The following WDR12 variants were observed in gnomAD, a reference collection of about 807,000 sequenced individuals.
The protein encoded by WDR12 is WD repeat domain 12, also known as ribosome biogenesis protein WDR12.
Under a neutral mutation model 64.3 loss-of-function variants are expected in WDR12, and 42 were observed. The ratio of observed to expected loss-of-function variants is 0.65; its 90% CI spans 0.51 to 0.84. WDR12 has a LOEUF of 0.84. WDR12 is among the 40% of genes least tolerant of loss of function. WDR12 has a pLI of 0.00. For synonymous variants in WDR12, 158 were observed against 173.3 expected (o/e 0.91, Z 0.70); for missense variants, 469 against 494.6 (o/e 0.95, Z 0.49).
chr2:202,896,269 G>C, intron 5 of WDR12, 50 bp from the exon 6 acceptor site: 2 of 1,548,468 alleles, frequency 1.3e-6, no homozygotes, highest in Non-Finnish European at 1.7e-6. Context: ...ATACCATTTA[G>C]AATACATCAT....
At chr2:202,897,904 A>ATATATATATAT (rs1488448623) in intron 4 of WDR12, among the ~76,000 whole-genome samples, 5 of 45,224 alleles carry the variant, frequency 1.1e-4, no homozygotes, top group Admixed American at 3.0e-4. Context: ...AAAAAAAAAA[A>ATATATATATAT]AAAAATATAT....
rs575159894 is a variant in WDR12 at position 202,911,445 on chromosome 2, T to C, written c.32A>G (p.Asp11Gly). Residue 11 changes from aspartate to glycine, a missense_variant, in exon 1 of 13, where the codon GAT becomes GGT. Asp to Gly is a moderately conservative substitution (Grantham distance 94). Coordinates refer to ENST00000261015, the MANE Select transcript of WDR12 (RefSeq NM_018256.4). ...TGGAACGCTTACTTACTTCTTGTTA[T>C]CAGTGTAGAAGCGTGTTTGGAGCTG... MAQLQTRFYT[D>G]NKKYAVDDVP... 8.2e-5 allele frequency: 132 copies of C among 1,614,134 alleles called. No individual in the cohort carries two copies. In the South Asian group the frequency reaches 1.4e-3, roughly 17 times the overall value.
chr2:202,895,772 TG>T (rs1445614425), intron 6 of WDR12, among the ~76,000 whole-genome samples: 1 of 151,010 alleles, frequency 6.6e-6, no homozygotes, highest in African/African-American at 2.4e-5. Flanking sequence ...TCAGGTGATC[TG>T]CCCGCCTCGG....
intron 6 of WDR12, among the ~76,000 whole-genome samples, chr2:202,895,615 C>T (rs1388672761): frequency 1.3e-5 from 2 of 149,904 alleles, no homozygotes; most frequent in Non-Finnish European, 3.0e-5. Flanking sequence ...CTCTGTCTCC[C>T]GGGTTCAAGT....
At chr2:202,884,060 C>T (rs1018631256) in intron 10 of WDR12, 138 bp downstream of exon 10, 26 of 825,044 alleles carry the variant, frequency 3.2e-5, no homozygotes, top group Admixed American at 5.6e-5. Context: ...ATCTGCCCGC[C>T]TCGGCCTCTC....
Position 202,883,720 on chromosome 2 carries a change from G to T in WDR12, c.1010C>A (p.Ser337Tyr). 6.2e-7 allele frequency: 1 copy of T among 1,614,090 alleles called. No individual in the cohort carries two copies. Among genetic ancestry groups the T allele is most frequent in the East Asian group, 2.2e-5 (1 of 44,882 alleles). Residue 337 changes from serine (S) to tyrosine (Y), a missense_variant, in exon 11 of 13, where the codon TCC becomes TAC. Coordinates refer to ENST00000261015, the MANE Select transcript of WDR12 (RefSeq NM_018256.4). ...CACCCAACCAGTATGTGACGTTAGG[G>T]ACAGCGACACCAAAGAACCATCTGA... Reference protein sequence around the residue: ...RTKDGSLVSLSLTSHTGWVTS... With the variant: ...RTKDGSLVSLYLTSHTGWVTS...
At chr2:202,890,482 T>C (rs1467796233) in intron 8 of WDR12, among the ~76,000 whole-genome samples, 1 of 152,094 alleles carries the variant, frequency 6.6e-6, no homozygotes, top group Non-Finnish European at 1.5e-5. Flanking sequence ...AAAAATTCAT[T>C]GAGCAGGCCG....
At position 202,887,822 on chromosome 2, in the gene WDR12, A is replaced by G. The variant is rs191837166; in HGVS notation, c.742-3287T>C. 4.3e-3 allele frequency among the ~76,000 whole-genome samples: 632 copies of G among 146,434 alleles called. 11 individuals carry two copies. The highest frequency in any genetic ancestry group is 0.029 in the Admixed American group (411 of 14,212). On this transcript the variant is annotated intron_variant, in intron 8 of 12. Coordinates refer to ENST00000261015, the MANE Select transcript of WDR12 (RefSeq NM_018256.4). ...AGAATGGCGTGAACCCGGGAAGCGG[A>G]GCTTGCAGTGAGCCGAGATTGCGCC...
At chr2:202,897,671 C>T (rs778794956) in intron 4 of WDR12, among the ~76,000 whole-genome samples, 31 of 148,120 alleles carry the variant, frequency 2.1e-4, no homozygotes, top group African/African-American at 7.8e-4. Context: ...AGGCGGATCA[C>T]GAGGTCAGGA....
chr2:202,902,838 C>T (rs542666367), intron 2 of WDR12, among the ~76,000 whole-genome samples: 104 of 152,310 alleles, frequency 6.8e-4, no homozygotes, highest in African/African-American at 2.2e-3. Context: ...GTGGCTCACA[C>T]CTGTAATCCC....
At chr2:202,891,021 A>T (rs1180439760) in intron 8 of WDR12, among the ~76,000 whole-genome samples, 1 of 148,282 alleles carries the variant, frequency 6.7e-6, no homozygotes, top group Non-Finnish European at 1.5e-5. Context: ...AAAAAAAGAG[A>T]ATAAAAGAGC....
At chr2:202,885,936 A>C (rs1392334263) in intron 8 of WDR12, among the ~76,000 whole-genome samples, 1 of 152,048 alleles carries the variant, frequency 6.6e-6, no homozygotes, top group Non-Finnish European at 1.5e-5. Flanking sequence ...ACATGACTAT[A>C]GTCATATCTA....
rs150463654 is a variant in WDR12 at position 202,893,978 on chromosome 2, A to G, written c.655+603T>C. Among the ~76,000 whole-genome samples the G allele has an allele frequency of 5.9e-5, 9 of 152,304 alleles. No homozygotes were observed. In the East Asian group the frequency reaches 1.7e-3, roughly 29 times the overall value. On this transcript the variant is annotated intron_variant, in intron 7 of 12. Transcript: ENST00000261015. ...ATTACTTAAGTCAAAATGGCTCGGA[A>G]AGTATTTTTATTTACTTCCAAGTTT...
At chr2:202,881,591 G>A (rs971570100) in intron 12 of WDR12, among the ~76,000 whole-genome samples, 4 of 151,974 alleles carry the variant, frequency 2.6e-5, no homozygotes, top group Non-Finnish European at 5.9e-5. Context: ...GACTACCTTG[G>A]GGAACACAGT....
chr2:202,882,302 A>G (rs1574401082), intron 12 of WDR12, among the ~76,000 whole-genome samples: 1 of 152,016 alleles, frequency 6.6e-6, no homozygotes, highest in African/African-American at 2.4e-5. Context: ...GAAATAATAC[A>G]GAATTATAAA....
At chr2:202,892,361 A>G (rs1688170445) in intron 8 of WDR12, among the ~76,000 whole-genome samples, 1 of 152,210 alleles carries the variant, frequency 6.6e-6, no homozygotes, top group Non-Finnish European at 1.5e-5. Context: ...ACATGAGATC[A>G]AACATAATAA....
At chr2:202,908,662 ACTT>A (rs1362372064) in intron 1 of WDR12, among the ~76,000 whole-genome samples, 4 of 152,230 alleles carry the variant, frequency 2.6e-5, no homozygotes, top group African/African-American at 7.2e-5. Flanking sequence ...AATCATTTTT[ACTT>A]CTTTTTTGTG....
rs145060072 is a variant in WDR12 at position 202,887,100 on chromosome 2, T to C, written c.742-2565A>G. ...AGTGCAATGCACAAGCTTGGCTTAC[T>C]GCAACTTCCACCTCCCAGGTTCAAG... is the stretch of plus-strand genomic sequence containing the variant. On this transcript the variant is annotated intron_variant, in intron 8 of 12. Coordinates refer to ENST00000261015, the MANE Select transcript of WDR12 (RefSeq NM_018256.4). Among the ~76,000 whole-genome samples the C allele has an allele frequency of 1.7e-3, 257 of 152,340 alleles. 1 individual carries two copies. The highest frequency in any genetic ancestry group is 5.5e-3 in the African/African-American group (228 of 41,584).
chr2:202,889,141 C>T (rs897097482), intron 8 of WDR12, among the ~76,000 whole-genome samples: 6 of 152,042 alleles, frequency 3.9e-5, no homozygotes, highest in Non-Finnish European at 7.4e-5. Flanking sequence ...CAGGAAAAAT[C>T]AGTGAAAGGA....
Sources: allele counts gnomAD v4.1 joint callset (sites outside exome capture counted in the v4.1 genomes callset), GRCh38; gene constraint gnomAD v4.1.1; transcripts MANE v1.5; gene names NCBI Gene and HGNC (gene_info 2026-07-23, HGNC 2026-07-21).